CCDC60: variants seen among roughly 807,000 people sequenced by gnomAD.
CCDC60 encodes coiled-coil domain containing 60.
In CCDC60, 54 loss-of-function variants were observed where a neutral mutation model predicts 63.5. The observed-to-expected ratio is 0.85, with a 90% confidence interval of 0.68 to 1.07. The LOEUF is 1.07. Among genes scored for constraint, CCDC60 ranks in the 50% least tolerant of loss-of-function variants. The pLI is 0.00. For synonymous variants in CCDC60, 206 were observed against 238.8 expected (o/e 0.86, Z 1.27); for missense variants, 651 against 684.3 (o/e 0.95, Z 0.54).
chr12:119,432,588 A>C (rs569564067), intron 2 of CCDC60, among the ~76,000 whole-genome samples: 1 of 152,278 alleles, frequency 6.6e-6, no homozygotes, highest in East Asian at 1.9e-4. Context: ...TCTCCACAAG[A>C]ATCTGTACAC....
chr12:119,512,590 A>T (rs976703025), intron 7 of CCDC60, among the ~76,000 whole-genome samples: 13 of 152,360 alleles, frequency 8.5e-5, no homozygotes, highest in Non-Finnish European at 1.8e-4. Flanking sequence ...ATTCTTCCAG[A>T]ACCCCAGAGG....
intron 1 of CCDC60, among the ~76,000 whole-genome samples, chr12:119,345,435 G>T (rs1479912069): frequency 6.6e-6 from 1 of 152,138 alleles, no homozygotes; most frequent in Non-Finnish European, 1.5e-5. Context: ...CCGGGAGGCG[G>T]AGGTTGCAGT....
intron 8 of CCDC60, among the ~76,000 whole-genome samples, chr12:119,519,401 A>ATATGTGTG (rs1381105667): frequency 2.2e-5 from 3 of 136,412 alleles, no homozygotes; most frequent in Non-Finnish European, 3.1e-5. Flanking sequence ...AGTGATATAT[A>ATATGTGTG]TGTGTGTGTG....
intron 3 of CCDC60, among the ~76,000 whole-genome samples, chr12:119,475,849 A>G (rs765813515): frequency 6.6e-6 from 1 of 152,212 alleles, no homozygotes; most frequent in Non-Finnish European, 1.5e-5. Context: ...ATTATGACGC[A>G]ATAAAGTGAG....
chr12:119,400,425 A>G (rs182824835), intron 1 of CCDC60, among the ~76,000 whole-genome samples: 1 of 152,386 alleles, frequency 6.6e-6, no homozygotes, highest in East Asian at 1.9e-4. Flanking sequence ...GGAGACGAGT[A>G]AATATTTCAA....
At chr12:119,373,818 C>A (rs2136178556) in intron 1 of CCDC60, among the ~76,000 whole-genome samples, 1 of 152,256 alleles carries the variant, frequency 6.6e-6, no homozygotes, top group African/African-American at 2.4e-5. Flanking sequence ...TGGCAGAGAC[C>A]AAACATGTGG....
intron 2 of CCDC60, among the ~76,000 whole-genome samples, chr12:119,447,591 C>T (rs1163361199): frequency 3.3e-5 from 5 of 152,190 alleles, no homozygotes; most frequent in African/African-American, 4.8e-5. Context: ...AGAGCAATCC[C>T]TCCCATTCCA....
chr12:119,410,338 C>A lies in CCDC60; in HGVS notation c.91-18345C>A, dbSNP rs1342777123. On this transcript the variant is annotated intron_variant, in intron 1 of 13. Transcript: ENST00000327554. This position sits in a 1 kb window ranked among gnomAD's most constrained non-coding sequence, Gnocchi z 4.0. ...GTAATACATTTTAAAAAGTGATGTACCTTTTGATACATTTTTTTAAACCAT... is the reference window on the plus strand; with the variant it reads ...GTAATACATTTTAAAAAGTGATGTAACTTTTGATACATTTTTTTAAACCAT... Among the ~76,000 whole-genome samples, 3 of 151,886 alleles carry A rather than the reference C, an allele frequency of 2.0e-5. No homozygotes were observed. Among genetic ancestry groups the A allele is most frequent in the African/African-American group, 7.3e-5 (3 of 41,318 alleles).
intron 1 of CCDC60, among the ~76,000 whole-genome samples, chr12:119,405,630 TCCTTGATGCCATCCCTC>T (rs1424303622): frequency 8.5e-5 from 13 of 152,258 alleles, no homozygotes; most frequent in Non-Finnish European, 1.3e-4. Flanking sequence ...CCTCTTCTCA[TCCTTGATGCCATCCCTC>T]AGGGCAGCCG....
At chr12:119,354,904 T>G (rs1478477891) in intron 1 of CCDC60, among the ~76,000 whole-genome samples, 2 of 152,082 alleles carry the variant, frequency 1.3e-5, no homozygotes, top group African/African-American at 4.8e-5. Flanking sequence ...TTCTCCCAGT[T>G]CTGAAGATGG....
chr12:119,455,535 G>A (rs11613150), intron 2 of CCDC60, among the ~76,000 whole-genome samples: 21,299 of 152,094 alleles, frequency 0.14, 1,625 homozygotes, highest in East Asian at 0.3. Flanking sequence ...CAAGCCAAGT[G>A]AAGACAATGG....
chr12:119,515,781 A>G (rs972260678), intron 7 of CCDC60, among the ~76,000 whole-genome samples: 6 of 152,230 alleles, frequency 3.9e-5, no homozygotes, highest in African/African-American at 1.4e-4. Flanking sequence ...ACTCCTTTCT[A>G]GGGAAGCTGG....
intron 13 of CCDC60, 87 bp from the exon 14 acceptor site, chr12:119,540,527 A>G: frequency 3.2e-6 from 3 of 934,184 alleles, no homozygotes; most frequent in East Asian, 2.4e-5. Context: ...TCAGTCACAA[A>G]TCTTCCAGGA....
intron 11 of CCDC60, 77 bp from the exon 12 acceptor site, chr12:119,528,538 G>C: frequency 6.7e-7 from 1 of 1,489,710 alleles, no homozygotes; most frequent in South Asian, 1.3e-5. Flanking sequence ...GTTTAAGTCA[G>C]ATCTCAAAGG....
chr12:119,507,583 TATATATACATATATATATATATATA>T lies in CCDC60; in HGVS notation c.883+2281_883+2305del, dbSNP rs1952071279. On this transcript the variant is annotated intron_variant, in intron 7 of 13. Transcript: ENST00000327554. Reference sequence around the variant, plus strand: ...ATATATATATATGTATATATACACATATATATACATATATATATATATATATATATATTTTTTTTTTTTTTTTCTA... The same window carrying T: ...ATATATATATATGTATATATACACATTATATATTTTTTTTTTTTTTTTCTA... Among the ~76,000 whole-genome samples, 2 of 36,268 alleles carry T rather than the reference TATATATACATATATATATATATATA, an allele frequency of 5.5e-5. 1 individual carries two copies. Among genetic ancestry groups the T allele is most frequent in the African/African-American group, 4.3e-4 (2 of 4,614 alleles). The allele number at this position is 36,268 out of a possible 152,430, so 23.8% of individuals were successfully genotyped here. A position where few individuals can be genotyped will look rare whatever the true frequency, so the allele number is the denominator to read the frequency against.
At chr12:119,361,149 T>C (rs935086786) in intron 1 of CCDC60, among the ~76,000 whole-genome samples, 1 of 95,172 alleles carries the variant, frequency 1.1e-5, no homozygotes, top group Non-Finnish European at 2.0e-5. Flanking sequence ...AGGGAGACCA[T>C]GGGGAGAGGG....
chr12:119,371,891 C>T (rs1955901791), intron 1 of CCDC60, among the ~76,000 whole-genome samples: 1 of 152,170 alleles, frequency 6.6e-6, no homozygotes, highest in Non-Finnish European at 1.5e-5. Context: ...GTGATGATGC[C>T]ACCTAAGGAC....
intron 1 of CCDC60, among the ~76,000 whole-genome samples, chr12:119,375,157 C>T (rs572776081): frequency 2.0e-5 from 3 of 152,242 alleles, no homozygotes; most frequent in African/African-American, 4.8e-5. Context: ...CTGTTTCCAG[C>T]GCCTCTGACA....
At chr12:119,387,228 T>G (rs1411948615) in intron 1 of CCDC60, among the ~76,000 whole-genome samples, 1 of 152,110 alleles carries the variant, frequency 6.6e-6, no homozygotes, top group Non-Finnish European at 1.5e-5. Flanking sequence ...GCCACACACA[T>G]GAAAATCATT....
Sources: allele counts gnomAD v4.1 joint callset (sites outside exome capture counted in the v4.1 genomes callset), GRCh38; gene constraint gnomAD v4.1.1; non-coding constraint Gnocchi (gnomAD v3.1); transcripts MANE v1.5; gene names NCBI Gene and HGNC (gene_info 2026-07-23, HGNC 2026-07-21).